RASA2: variants seen among roughly 807,000 people sequenced by gnomAD.
RASA2 encodes the protein ras GTPase-activating protein 2.
Under a neutral mutation model 118.2 loss-of-function variants are expected in RASA2, and 155 were observed. The ratio of observed to expected loss-of-function variants is 1.31; its 90% CI spans 1.15 to 1.50. The LOEUF (loss-of-function observed/expected upper bound fraction) is 1.50. Among genes scored for constraint, RASA2 ranks in the 40% most tolerant of loss-of-function variants. The probability of loss-of-function intolerance (pLI) is 0.00; values close to 1 mark genes in which losing one functional copy is unlikely to be tolerated. For missense variants in RASA2, 1,016 were observed against 1,009.6 expected, an observed-to-expected ratio of 1.01 and a Z score of -0.09; for synonymous variants, 353 against 349.1, an observed-to-expected ratio of 1.01 and a Z score of -0.12.
At chr3:141,495,386 T>C (rs2081687809) in intron 1 of RASA2, among the ~76,000 whole-genome samples, 1 of 152,074 alleles carries the variant, frequency 6.6e-6, no homozygotes. Context: ...GTCCAGATTA[T>C]ATAAATAATT....
In RASA2 at chr3:141,499,536, C is replaced by G. The variant is rs193079075; in HGVS notation, c.133+12320C>G. Among the ~76,000 whole-genome samples, 26 of 152,326 alleles carry G rather than the reference C, an allele frequency of 1.7e-4. No individual in the cohort carries two copies. In the East Asian group the frequency reaches 4.6e-3, roughly 27 times the overall value. ...CCACTCAAGTGTTTGCTCACTGGTA[C>G]TACCTCATTTTATCATAGTGCCTTG... On this transcript the variant is annotated intron_variant, in intron 1 of 23. Coordinates refer to ENST00000286364, the MANE Select transcript of RASA2 (RefSeq NM_006506.5).
intron 7 of RASA2, 75 bp downstream of exon 7, chr3:141,555,987 C>T: frequency 1.8e-6 from 2 of 1,141,680 alleles, no homozygotes; most frequent in Non-Finnish European, 1.3e-6. Context: ...TTTTTCAAAC[C>T]ACAGTCATAG....
At chr3:141,526,827 T>C (rs1360563041) in intron 3 of RASA2, among the ~76,000 whole-genome samples, 1 of 152,210 alleles carries the variant, frequency 6.6e-6, no homozygotes, top group Non-Finnish European at 1.5e-5. Context: ...TTCCCTCTCA[T>C]AGGACAAGAA....
chr3:141,588,847 A>ATT (rs1380672762), intron 19 of RASA2, among the ~76,000 whole-genome samples: 1 of 145,942 alleles, frequency 6.9e-6, no homozygotes, highest in African/African-American at 2.5e-5. Context: ...TTTTATTTTT[A>ATT]TTTTTTTTTT....
intron 3 of RASA2, among the ~76,000 whole-genome samples, chr3:141,518,770 G>A (rs2151086152): frequency 6.6e-6 from 1 of 151,968 alleles, no homozygotes; most frequent in Non-Finnish European, 1.5e-5. Flanking sequence ...ATTTGGTAGT[G>A]ATTCTCTACA....
chr3:141,536,184 A>G (rs907822075), intron 4 of RASA2, among the ~76,000 whole-genome samples: 4 of 152,362 alleles, frequency 2.6e-5, no homozygotes, highest in African/African-American at 4.8e-5. Flanking sequence ...ATAGTTCCAC[A>G]TGACTGGGGA....
chr3:141,519,112 G>A (rs867275714), intron 3 of RASA2, among the ~76,000 whole-genome samples: 1 of 152,038 alleles, frequency 6.6e-6, no homozygotes, highest in South Asian at 2.1e-4. Context: ...CTGAGTCAAG[G>A]GGTATGAACA....
intron 4 of RASA2, among the ~76,000 whole-genome samples, chr3:141,534,141 G>A (rs1292220652): frequency 1.3e-5 from 2 of 152,178 alleles, no homozygotes; most frequent in Non-Finnish European, 2.9e-5. Context: ...GTGAACTACA[G>A]CCGTGCTATT....
intron 15 of RASA2, among the ~76,000 whole-genome samples, chr3:141,580,120 CTT>C (rs2083087768): frequency 3.6e-5 from 3 of 82,264 alleles, no homozygotes; most frequent in Non-Finnish European, 7.0e-5. Context: ...ATATATATGA[CTT>C]TTAAAAGCAC....
intron 8 of RASA2, among the ~76,000 whole-genome samples, chr3:141,559,311 C>A (rs1281318215): frequency 6.6e-6 from 1 of 151,794 alleles, no homozygotes; most frequent in Non-Finnish European, 1.5e-5. Context: ...TTTTTTTATT[C>A]TTCTTAACAT....
chr3:141,510,964 G>A (rs2081942229), intron 1 of RASA2, among the ~76,000 whole-genome samples: 1 of 152,132 alleles, frequency 6.6e-6, no homozygotes, highest in South Asian at 2.1e-4. Context: ...TGGATTGTAG[G>A]AGGGCCAAAA....
rs1323193116 is a variant in RASA2, at chr3:141,544,135, C to A, written c.527+3526C>A. On this transcript the variant is annotated intron_variant, in intron 5 of 23. Coordinates refer to ENST00000286364, the MANE Select transcript of RASA2 (RefSeq NM_006506.5). ...AAGTGATCCTTCTGCCTTGGCCTCC[C>A]AAAGTCCTGGGGTTATAGGTGTAAG... Among the ~76,000 whole-genome samples, 83 of 152,128 alleles carry A rather than the reference C, an allele frequency of 5.5e-4. 1 individual carries two copies. The highest frequency in any genetic ancestry group is 5.4e-3 in the Admixed American group (83 of 15,274).
chr3:141,580,085 A>AATAT (rs1207351331), intron 15 of RASA2, among the ~76,000 whole-genome samples: 1,212 of 59,436 alleles, frequency 0.02, 21 homozygotes, highest in East Asian at 0.026. Context: ...AAAAAAAAAA[A>AATAT]ATATATATAT....
rs563427829 is a variant in RASA2 at position 141,515,904 on chromosome 3, A to G, written c.252-424A>G. On this transcript the variant is annotated intron_variant, in intron 2 of 23. Coordinates refer to ENST00000286364, the MANE Select transcript of RASA2 (RefSeq NM_006506.5). Reference sequence around the variant, plus strand: ...ACAGAGCAAGACTCTGTCTCAAAAAAAAAAAAAAAAAGTGATATTATCATT... The same window carrying G: ...ACAGAGCAAGACTCTGTCTCAAAAAGAAAAAAAAAAAGTGATATTATCATT... 4.4e-3 allele frequency among the ~76,000 whole-genome samples: 662 copies of G among 151,328 alleles called. 4 individuals carry two copies. The highest frequency in any genetic ancestry group is 0.015 in the African/African-American group (631 of 41,192).
At chr3:141,560,657 A>G (rs1051855345) in intron 9 of RASA2, among the ~76,000 whole-genome samples, 3 of 152,228 alleles carry the variant, frequency 2.0e-5, no homozygotes, top group African/African-American at 2.4e-5. Flanking sequence ...AGCAGAATCA[A>G]TGTGAAACTA....
chr3:141,524,776 A>G (rs2082161964), intron 3 of RASA2, among the ~76,000 whole-genome samples: 1 of 152,000 alleles, frequency 6.6e-6, no homozygotes, highest in Non-Finnish European at 1.5e-5. Context: ...ATTTTAGTAG[A>G]GATGGGGTTT....
chr3:141,598,201 C>A (rs1429159098), intron 19 of RASA2, among the ~76,000 whole-genome samples: 1 of 151,996 alleles, frequency 6.6e-6, no homozygotes, highest in African/African-American at 2.4e-5. Flanking sequence ...TCTTCTGAAG[C>A]CTGCATAACT....
chr3:141,487,212 G>T lies in RASA2; in HGVS notation c.129G>T (p.Lys43Asn). Reference protein sequence around the residue: ...EVRVLQSLRGKICEAKNLLPY... With the variant: ...EVRVLQSLRGNICEAKNLLPY... ...GAGTGTTGCAGAGCCTGCGGGGCAA[G>T]ATCTGTAAGCGGGGGCTGGGCTGAG... Residue 43 changes from lysine (K) to asparagine (N), a missense_variant, in exon 1 of 24, where the codon AAG (lysine) becomes AAT (asparagine). By Grantham distance (94) the Lys-to-Asn change is moderately conservative. Coordinates refer to ENST00000286364, the MANE Select transcript of RASA2 (RefSeq NM_006506.5). 7.0e-7 allele frequency: 1 copy of T among 1,426,898 alleles called. No individual in the cohort carries two copies. The allele number at this position is 1,426,898 out of a possible 1,614,324, so 88.4% of individuals were successfully genotyped here.
chr3:141,505,584 A>G (rs2151075713), intron 1 of RASA2, among the ~76,000 whole-genome samples: 2 of 152,342 alleles, frequency 1.3e-5, no homozygotes, highest in South Asian at 4.1e-4. Flanking sequence ...TTGTGGGGGT[A>G]AAGATGAACT....
Sources: allele counts gnomAD v4.1 joint callset (sites outside exome capture counted in the v4.1 genomes callset), GRCh38; gene constraint gnomAD v4.1.1; transcripts MANE v1.5; gene names NCBI Gene and HGNC (gene_info 2026-07-23, HGNC 2026-07-21).